TPRG1: variants seen among roughly 807,000 people sequenced by gnomAD.
TPRG1 encodes the protein tumor protein p63 regulated 1, also known as tumor protein p63-regulated gene 1 protein.
In TPRG1, 29 loss-of-function variants were observed where a neutral mutation model predicts 29.3. The ratio of observed to expected loss-of-function variants is 0.99; its 90% CI spans 0.74 to 1.35. The LOEUF is 1.35. Ranked by LOEUF, TPRG1 falls within the 40% of genes most tolerant of loss-of-function variation. TPRG1 has a pLI of 0.00. For synonymous variants in TPRG1, 130 were observed against 116.8 expected (o/e 1.11, Z -0.73); for missense variants, 327 against 335.0 (o/e 0.98, Z 0.19).
At chr3:189,300,460 GA>G in intron 4 of TPRG1, among the ~76,000 whole-genome samples, 1 of 152,228 alleles carries the variant, frequency 6.6e-6, no homozygotes, top group Non-Finnish European at 1.5e-5. Context: ...ATTTTCAAAA[GA>G]AGAAAAAGAG....
intron 1 of TPRG1, among the ~76,000 whole-genome samples, chr3:189,119,751 C>T (rs1455266014): frequency 6.6e-6 from 1 of 152,166 alleles, no homozygotes; most frequent in Non-Finnish European, 1.5e-5. Flanking sequence ...CTGCCATGGT[C>T]GTAAGTTTCC....
At chr3:189,065,569 AT>A (rs1716384493) in intron 4 of TPRG1, among the ~76,000 whole-genome samples, 1 of 152,162 alleles carries the variant, frequency 6.6e-6, no homozygotes, top group Non-Finnish European at 1.5e-5. Context: ...AAAAAAGGCA[AT>A]GATGATATCA....
intron 4 of TPRG1, among the ~76,000 whole-genome samples, chr3:189,295,810 A>G (rs1719818694): frequency 6.6e-6 from 1 of 152,140 alleles, no homozygotes; most frequent in Non-Finnish European, 1.5e-5. Context: ...TAATGCTTAC[A>G]ATGCAAATAG....
rs1030233690 is a variant in TPRG1, at chr3:189,325,109, A to G, written c.*4289A>G. ...TTGGAGTTACTGAGAGTGGACCAAT[A>G]CTTGTCTTATTCTACCTGATTTTGG... On this transcript the variant is annotated 3_prime_UTR_variant, in exon 6 of 6. Transcript: ENST00000345063. 3 of 151,998 alleles carry G rather than the reference A, an allele frequency of 2.0e-5. No individual in the cohort carries two copies. Among genetic ancestry groups the G allele is most frequent in the Non-Finnish European group, 2.9e-5 (2 of 68,010 alleles). 9.4% of individuals were successfully genotyped at this position (151,998 alleles called of 1,614,324 possible).
At chr3:189,261,854 T>C (rs1375710887) in intron 4 of TPRG1, among the ~76,000 whole-genome samples, 3 of 152,202 alleles carry the variant, frequency 2.0e-5, no homozygotes, top group Non-Finnish European at 4.4e-5. Flanking sequence ...CATAAGCTAA[T>C]GCCCAACTAG....
At chr3:189,186,696 G>A (rs887590156) in intron 1 of TPRG1, among the ~76,000 whole-genome samples, 1 of 151,654 alleles carries the variant, frequency 6.6e-6, no homozygotes, top group Non-Finnish European at 1.5e-5. Flanking sequence ...TCCTAGACCA[G>A]CATAATTAGA....
At chr3:189,141,208 C>A (rs1446547000) in intron 3 of TPRG1, among the ~76,000 whole-genome samples, 1 of 152,190 alleles carries the variant, frequency 6.6e-6, no homozygotes, top group East Asian at 1.9e-4. Flanking sequence ...TTCTGTAAAT[C>A]TAAAGTTCTG....
chr3:189,142,388 T>A (rs571455390), intron 3 of TPRG1, among the ~76,000 whole-genome samples: 3 of 152,158 alleles, frequency 2.0e-5, no homozygotes, highest in Admixed American at 6.5e-5. Context: ...CCATATCCCA[T>A]GCTTGTGAGT....
intron 3 of TPRG1, among the ~76,000 whole-genome samples, chr3:189,229,998 G>C (rs937525709): frequency 6.6e-6 from 1 of 152,146 alleles, no homozygotes. Flanking sequence ...CTTAGAATGG[G>C]GTCTTGTTCT....
intron 3 of TPRG1, among the ~76,000 whole-genome samples, chr3:189,137,052 T>A (rs1455384612): frequency 6.6e-6 from 1 of 152,110 alleles, no homozygotes; most frequent in African/African-American, 2.4e-5. Flanking sequence ...AGAGACAAAC[T>A]AAGGTGGAAT....
At chr3:189,109,077 G>GGGT in intron 1 of TPRG1, among the ~76,000 whole-genome samples, 1 of 151,996 alleles carries the variant, frequency 6.6e-6, no homozygotes, top group Non-Finnish European at 1.5e-5. Flanking sequence ...TAAGGGTATA[G>GGGT]ACAAAGTATT....
intron 1 of TPRG1, among the ~76,000 whole-genome samples, chr3:189,108,068 A>G (rs73053456): frequency 0.069 from 10,574 of 152,190 alleles, 1,205 homozygotes; most frequent in African/African-American, 0.24. Flanking sequence ...TCGCCACTTC[A>G]CTTTAACTAT....
At chr3:189,308,058 G>A (rs1306255603) in intron 4 of TPRG1, among the ~76,000 whole-genome samples, 1 of 152,108 alleles carries the variant, frequency 6.6e-6, no homozygotes, top group Non-Finnish European at 1.5e-5. Flanking sequence ...CTGGCATCAT[G>A]ACCACCTACA....
At chr3:189,074,842 C>G (rs542155790) in intron 4 of TPRG1, among the ~76,000 whole-genome samples, 2 of 151,468 alleles carry the variant, frequency 1.3e-5, no homozygotes, top group Admixed American at 6.6e-5. Context: ...GACGGAGTCT[C>G]GCTCTGTCGC....
chr3:189,043,874 C>A (rs1714792192), intron 4 of TPRG1, among the ~76,000 whole-genome samples: 1 of 152,142 alleles, frequency 6.6e-6, no homozygotes. Flanking sequence ...GAGAAGAGAG[C>A]TGGGTCTCTC....
At chr3:189,236,898 C>T (rs535710734) in intron 3 of TPRG1, among the ~76,000 whole-genome samples, 2 of 152,168 alleles carry the variant, frequency 1.3e-5, no homozygotes, top group African/African-American at 2.4e-5. Context: ...TGAAGTGGTA[C>T]ATAATTGGGT....
intron 3 of TPRG1, among the ~76,000 whole-genome samples, chr3:189,233,105 G>C (rs1344770951): frequency 1.3e-5 from 2 of 151,862 alleles, no homozygotes; most frequent in Admixed American, 1.3e-4. Context: ...CATGAAGGTT[G>C]ATTTGTAAAT....
intron 3 of TPRG1, among the ~76,000 whole-genome samples, chr3:189,009,919 A>G (rs962175817): frequency 6.6e-6 from 1 of 151,902 alleles, no homozygotes; most frequent in Non-Finnish European, 1.5e-5. Flanking sequence ...CCCAGCATCC[A>G]CTAGCTATTT....
chr3:189,258,197 C>CT (rs1284935960), intron 4 of TPRG1, among the ~76,000 whole-genome samples: 39 of 145,796 alleles, frequency 2.7e-4, no homozygotes, highest in Non-Finnish European at 3.6e-4. Flanking sequence ...TGTGGTCATC[C>CT]TTTTTTTTTT....
Sources: allele counts gnomAD v4.1 joint callset (sites outside exome capture counted in the v4.1 genomes callset), GRCh38; gene constraint gnomAD v4.1.1; transcripts MANE v1.5; gene names NCBI Gene and HGNC (gene_info 2026-07-23, HGNC 2026-07-21).